The following PARD3B variants were observed in gnomAD, a reference collection of about 807,000 sequenced individuals.
The protein encoded by PARD3B is par-3 family cell polarity regulator beta, also known as partitioning defective 3 homolog B.
In PARD3B, 103 loss-of-function variants were observed where a neutral mutation model predicts 130.2. The observed-to-expected ratio is 0.79, with a 90% CI of 0.67 to 0.93. PARD3B has a LOEUF of 0.93. Ranked by LOEUF, PARD3B falls within the 40% of genes least tolerant of loss-of-function variation. The pLI, the probability that PARD3B is intolerant of heterozygous loss-of-function variation, is 0.00. For synonymous variants in PARD3B, 583 were observed against 553.2 expected (o/e 1.05, Z -0.76); for missense variants, 1,609 against 1,499.2 (o/e 1.07, Z -1.21).
chr2:205,375,241 A>C (rs1186643135), intron 18 of PARD3B, among the ~76,000 whole-genome samples: 1 of 152,234 alleles, frequency 6.6e-6, no homozygotes, highest in Non-Finnish European at 1.5e-5. Context: ...TTTAACGTGC[A>C]TAAAGTACTG....
In PARD3B at chr2:204,851,662, G is replaced by A. The variant is rs1422348307; in HGVS notation, c.223-113490G>A. Among the ~76,000 whole-genome samples the A allele has an allele frequency of 2.0e-5, 3 of 151,990 alleles. No individual in the cohort carries two copies. In the East Asian group the frequency reaches 5.8e-4, roughly 29 times the overall value. ...GTCATTATTAATAAATGGGCACATT[G>A]CAATAAAATATACGTTATCAACTGG... On this transcript the variant is annotated intron_variant, in intron 2 of 22. Coordinates refer to ENST00000406610, the MANE Select transcript of PARD3B (RefSeq NM_001302769.2).
At chr2:204,550,080 C>T (rs1157069429) in intron 1 of PARD3B, among the ~76,000 whole-genome samples, 6 of 152,162 alleles carry the variant, frequency 3.9e-5, no homozygotes, top group Non-Finnish European at 8.8e-5. Context: ...TTTATATAGA[C>T]AGTTGTCCCT....
chr2:205,383,127 GA>G (rs1396653334), intron 18 of PARD3B, among the ~76,000 whole-genome samples: 1 of 149,014 alleles, frequency 6.7e-6, no homozygotes, highest in African/African-American at 2.5e-5. Context: ...TAGATAGATA[GA>G]TAGATAGATA....
rs1306275343 is a variant in PARD3B at position 205,183,301 on chromosome 2, AT to A, written c.1925-2459del. On this transcript the variant is annotated intron_variant, in intron 13 of 22. Transcript: ENST00000406610. This position sits in a 1 kb window ranked among gnomAD's most constrained non-coding sequence, Gnocchi z 5.2. The stretch of plus-strand genomic sequence containing the variant: ...GTAGGCAATGTGTGCAGCTGAAGTG[AT>A]TTTGAGCAACAAGTTACATGATCAC... Among the ~76,000 whole-genome samples, 1 of 152,142 alleles carries A rather than the reference AT, an allele frequency of 6.6e-6. No individual in the cohort carries two copies. The highest frequency in any genetic ancestry group is 1.5e-5 in the Non-Finnish European group (1 of 68,034).
intron 19 of PARD3B, among the ~76,000 whole-genome samples, chr2:205,438,997 T>G (rs2047617440): frequency 6.6e-6 from 1 of 152,208 alleles, no homozygotes; most frequent in Non-Finnish European, 1.5e-5. Flanking sequence ...ATTGCCCAAT[T>G]TCTTTTCTGC....
intron 19 of PARD3B, among the ~76,000 whole-genome samples, chr2:205,404,642 A>T (rs2046358991): frequency 6.6e-6 from 1 of 152,122 alleles, no homozygotes; most frequent in South Asian, 2.1e-4. Context: ...CCATTGTCAA[A>T]CATTTAGTCT....
chr2:205,428,409 C>T (rs1041127868), intron 19 of PARD3B, among the ~76,000 whole-genome samples: 2 of 152,068 alleles, frequency 1.3e-5, no homozygotes, highest in African/African-American at 4.8e-5. Context: ...AAAGAGGCCC[C>T]AGAGAGCTGC....
In PARD3B at chr2:204,838,540, T is replaced by C. The variant is rs981534925; in HGVS notation, c.223-126612T>C. Among the ~76,000 whole-genome samples the C allele has an allele frequency of 5.3e-5, 8 of 152,086 alleles. No homozygotes were observed. The South Asian group carries it at 8.3e-4, about 16-fold the overall frequency. ...GCATCAGGTTTTGAGTCAAATAAAATTTTTCTTTCAAAGAAGCAGAGGATG... is the reference window on the plus strand; with the variant it reads ...GCATCAGGTTTTGAGTCAAATAAAACTTTTCTTTCAAAGAAGCAGAGGATG... On this transcript the variant is annotated intron_variant, in intron 2 of 22. Transcript: ENST00000406610.
intron 4 of PARD3B, among the ~76,000 whole-genome samples, chr2:205,083,253 A>G (rs1426659308): frequency 6.6e-6 from 1 of 152,080 alleles, no homozygotes; most frequent in Non-Finnish European, 1.5e-5. Context: ...AGGAAAAGGT[A>G]CTAGACTGTT....
At chr2:205,319,054 T>G (rs1352740284) in intron 18 of PARD3B, among the ~76,000 whole-genome samples, 1 of 152,232 alleles carries the variant, frequency 6.6e-6, no homozygotes, top group Non-Finnish European at 1.5e-5. Flanking sequence ...TGGCCTCATT[T>G]TCAGGTTCCT....
At chr2:204,682,869 A>G (rs1000605595) in intron 1 of PARD3B, among the ~76,000 whole-genome samples, 1 of 152,182 alleles carries the variant, frequency 6.6e-6, no homozygotes, top group Admixed American at 6.5e-5. Flanking sequence ...AAATTATTGT[A>G]CTTCAAACAT....
At position 204,686,502 on chromosome 2, in the gene PARD3B, A is replaced by G. The variant is rs184442052; in HGVS notation, c.222+220A>G. On this transcript the variant is annotated intron_variant, in intron 2 of 22. Coordinates refer to ENST00000406610, the MANE Select transcript of PARD3B (RefSeq NM_001302769.2). ...GTTTGTGTTGGCCTAATTAGCAGAC[A>G]CTTCATTCCCAAGAGTTTCTGATAT... 3.9e-5 allele frequency among the ~76,000 whole-genome samples: 6 copies of G among 152,308 alleles called. No homozygotes were observed. In the East Asian group the frequency reaches 5.8e-4, roughly 15 times the overall value.
chr2:205,537,471 C>G (rs931420127), intron 21 of PARD3B, among the ~76,000 whole-genome samples: 1 of 152,130 alleles, frequency 6.6e-6, no homozygotes, highest in Non-Finnish European at 1.5e-5. Context: ...ACCTTTGTTT[C>G]TCTGGAAGAA....
chr2:204,851,818 G>A (rs1027859770), intron 2 of PARD3B, among the ~76,000 whole-genome samples: 5 of 150,740 alleles, frequency 3.3e-5, no homozygotes, highest in African/African-American at 9.8e-5. Context: ...TCAGCCTCCC[G>A]AGTAGCTGGG....
chr2:205,438,225 C>T (rs147523302), intron 19 of PARD3B, among the ~76,000 whole-genome samples: 25 of 152,160 alleles, frequency 1.6e-4, no homozygotes, highest in African/African-American at 5.8e-4. Flanking sequence ...TTGGCACAGA[C>T]GTAGTACTTT....
chr2:205,067,323 GC>G (rs1700457511), intron 4 of PARD3B, among the ~76,000 whole-genome samples: 2 of 151,500 alleles, frequency 1.3e-5, no homozygotes, highest in South Asian at 4.2e-4. Flanking sequence ...ACCATACCTG[GC>G]TAATTAAAAA....
intron 2 of PARD3B, among the ~76,000 whole-genome samples, chr2:204,915,574 G>C (rs982114862): frequency 2.6e-5 from 4 of 152,026 alleles, no homozygotes; most frequent in Non-Finnish European, 4.4e-5. Flanking sequence ...AAATTTAGTT[G>C]TTAAGTATAT....
At chr2:204,653,288 A>G (rs2035543306) in intron 1 of PARD3B, among the ~76,000 whole-genome samples, 1 of 149,676 alleles carries the variant, frequency 6.7e-6, no homozygotes, top group Admixed American at 6.7e-5. Context: ...TAAAATTAAA[A>G]AAAAAAAAAC....
intron 2 of PARD3B, among the ~76,000 whole-genome samples, chr2:204,741,457 A>G (rs958311524): frequency 2.0e-5 from 3 of 152,132 alleles, no homozygotes; most frequent in Non-Finnish European, 1.5e-5. Context: ...CACCTGCGAC[A>G]CTAACTCTCC....
Sources: allele counts gnomAD v4.1 joint callset (sites outside exome capture counted in the v4.1 genomes callset), GRCh38; gene constraint gnomAD v4.1.1; non-coding constraint Gnocchi (gnomAD v3.1); transcripts MANE v1.5; gene names NCBI Gene and HGNC (gene_info 2026-07-23, HGNC 2026-07-21).